Variants in FAF1 observed in about 807,000 individuals in gnomAD.
FAF1 encodes the protein Fas associated factor 1, also known as FAS-associated factor 1.
FAF1 carries 25 observed loss-of-function variants against 92.5 expected under a neutral mutation model. That is an observed-to-expected ratio of 0.27 (90% CI 0.20 to 0.38). The LOEUF is 0.38. FAF1 is among the 10% of genes least tolerant of loss of function. The pLI is 1.00. For synonymous variants in FAF1, 234 were observed against 273.2 expected (o/e 0.86, Z 1.42); for missense variants, 636 against 793.3 (o/e 0.80, Z 2.38).
At chr1:50,482,136 C>G (rs1262583316) in intron 17 of FAF1, among the ~76,000 whole-genome samples, 1 of 152,148 alleles carries the variant, frequency 6.6e-6, no homozygotes, top group Non-Finnish European at 1.5e-5. Flanking sequence ...TCTCCCCGTT[C>G]AAATTTCTTC....
intron 15 of FAF1, among the ~76,000 whole-genome samples, chr1:50,504,780 A>G (rs1375622416): frequency 1.3e-5 from 2 of 152,176 alleles, no homozygotes; most frequent in African/African-American, 2.4e-5. Context: ...TGATCCAATG[A>G]TAAGACCCTG....
At chr1:50,769,401 T>A (rs760417567) in intron 4 of FAF1, among the ~76,000 whole-genome samples, 1 of 152,054 alleles carries the variant, frequency 6.6e-6, no homozygotes, top group Non-Finnish European at 1.5e-5. Flanking sequence ...CTAAAACCAT[T>A]CCAAATGCTT....
At chr1:50,779,655 A>C (rs1661090019) in intron 4 of FAF1, among the ~76,000 whole-genome samples, 1 of 151,900 alleles carries the variant, frequency 6.6e-6, no homozygotes, top group Admixed American at 6.6e-5. Context: ...GACACCAATA[A>C]CAAAAAAACG....
At chr1:50,865,198 G>C (rs1644469941) in intron 1 of FAF1, among the ~76,000 whole-genome samples, 1 of 152,148 alleles carries the variant, frequency 6.6e-6, no homozygotes, top group South Asian at 2.1e-4. Context: ...ACAGGTGCTG[G>C]AGAGGATGTG....
intron 6 of FAF1, among the ~76,000 whole-genome samples, chr1:50,720,699 A>T (rs1022261816): frequency 6.6e-6 from 1 of 152,180 alleles, no homozygotes; most frequent in Admixed American, 6.5e-5. Context: ...TAGGAATCTT[A>T]TCAACCAGGG....
intron 1 of FAF1, among the ~76,000 whole-genome samples, chr1:50,869,689 C>A (rs1644511033): frequency 1.3e-5 from 2 of 151,922 alleles, no homozygotes; most frequent in Non-Finnish European, 2.9e-5. Context: ...TTTTTTTAAA[C>A]CTATAGTTTT....
chr1:50,755,451 T>C (rs968811385), intron 4 of FAF1, among the ~76,000 whole-genome samples: 1 of 152,170 alleles, frequency 6.6e-6, no homozygotes, highest in African/African-American at 2.4e-5. Flanking sequence ...CTTTGCAGGG[T>C]ATAGCATACC....
chr1:50,575,098 C>T (rs1322678379), intron 12 of FAF1, among the ~76,000 whole-genome samples: 5 of 151,672 alleles, frequency 3.3e-5, no homozygotes, highest in South Asian at 2.1e-4. Flanking sequence ...TTAATAGAGA[C>T]GGGGTTTCAC....
At chr1:50,752,072 C>T (rs1416881042) in intron 4 of FAF1, among the ~76,000 whole-genome samples, 4 of 152,094 alleles carry the variant, frequency 2.6e-5, no homozygotes, top group African/African-American at 9.7e-5. Flanking sequence ...CAGGTTCAAG[C>T]GATTCTCCTG....
intron 18 of FAF1, among the ~76,000 whole-genome samples, chr1:50,457,575 G>A (rs530529657): frequency 6.6e-6 from 1 of 152,040 alleles, no homozygotes; most frequent in African/African-American, 2.4e-5. Flanking sequence ...TAGATTGTAT[G>A]TACAGCCTTC....
At chr1:50,464,308 T>C (rs1333378956) in intron 18 of FAF1, among the ~76,000 whole-genome samples, 4 of 152,152 alleles carry the variant, frequency 2.6e-5, no homozygotes, top group African/African-American at 9.7e-5. Context: ...CACCTGGCCT[T>C]CACTTAATTC....
chr1:50,746,790 C>A (rs1025469611), intron 4 of FAF1, among the ~76,000 whole-genome samples: 3 of 152,196 alleles, frequency 2.0e-5, no homozygotes, highest in African/African-American at 4.8e-5. Flanking sequence ...AGGCATTTCA[C>A]AGACCTTCAC....
At chr1:50,712,631 G>C (rs1049402873) in intron 6 of FAF1, among the ~76,000 whole-genome samples, 1 of 152,118 alleles carries the variant, frequency 6.6e-6, no homozygotes, top group African/African-American at 2.4e-5. Context: ...ACTCCAGCCT[G>C]GGCAGCAGAG....
At chr1:50,719,188 A>C (rs1472722277) in intron 6 of FAF1, among the ~76,000 whole-genome samples, 2 of 152,202 alleles carry the variant, frequency 1.3e-5, no homozygotes, top group African/African-American at 4.8e-5. Context: ...TATAAATATG[A>C]TTTGAGCTCT....
intron 2 of FAF1, among the ~76,000 whole-genome samples, chr1:50,828,493 T>A (rs1308895851): frequency 6.6e-6 from 1 of 152,018 alleles, no homozygotes; most frequent in Non-Finnish European, 1.5e-5. Flanking sequence ...ATGTTTTCGA[T>A]CTCCTGACCT....
intron 13 of FAF1, among the ~76,000 whole-genome samples, chr1:50,554,390 T>TATATATATAG: frequency 1.5e-4 from 14 of 93,688 alleles, no homozygotes; most frequent in South Asian, 7.9e-4. Context: ...TATATATATA[T>TATATATATAG]AGAGAGAGAG....
chr1:50,635,833 T>TA (rs1417663113), intron 8 of FAF1, among the ~76,000 whole-genome samples: 3 of 152,206 alleles, frequency 2.0e-5, no homozygotes, highest in Non-Finnish European at 2.9e-5. Context: ...GCTCAACTGA[T>TA]AAATAGAAAT....
chr1:50,677,372 C>A (rs1183327120), intron 7 of FAF1, among the ~76,000 whole-genome samples: 5 of 152,138 alleles, frequency 3.3e-5, no homozygotes, highest in Non-Finnish European at 2.9e-5. Flanking sequence ...CCCTTCAACC[C>A]TGCCATTTCA....
chr1:50,445,832 T>C (rs1410329771), intron 18 of FAF1, among the ~76,000 whole-genome samples: 1 of 152,216 alleles, frequency 6.6e-6, no homozygotes, highest in Non-Finnish European at 1.5e-5. Flanking sequence ...TGAATGGATA[T>C]ATTTTCTCAT....
Sources: gnomAD v4.1 joint callset for allele counts (sites outside exome capture counted in the v4.1 genomes callset) on GRCh38, gnomAD v4.1.1 for gene constraint, MANE v1.5 for transcripts, NCBI Gene and HGNC (gene_info 2026-07-23, HGNC 2026-07-21) for gene names.